The following IL7 variants were observed in gnomAD, a reference collection of about 807,000 sequenced individuals.
The protein encoded by IL7 is interleukin 7.
A neutral mutation model predicts 21.6 loss-of-function variants in IL7; 3 were observed. The ratio of observed to expected loss-of-function variants is 0.14; its 90% CI spans 0.06 to 0.36. IL7 has a LOEUF of 0.36. IL7 is among the 10% of genes least tolerant of loss of function. IL7 has a pLI of 1.00. For missense variants in IL7, 175 were observed against 200.2 expected (o/e 0.87, Z 0.76); for synonymous variants, 62 against 68.1 (o/e 0.91, Z 0.44).
At chr8:78,684,435 G>A (rs1311360125) in intron 4 of IL7, among the ~76,000 whole-genome samples, 1 of 152,176 alleles carries the variant, frequency 6.6e-6, no homozygotes, top group East Asian at 1.9e-4. Flanking sequence ...GACGGCATGG[G>A]AGAAACCTGC....
chr8:78,737,307 A>C (rs1811627735), intron 4 of IL7, among the ~76,000 whole-genome samples: 1 of 152,166 alleles, frequency 6.6e-6, no homozygotes, highest in South Asian at 2.1e-4. Context: ...CAACTAATTA[A>C]TTGGATGTGC....
chr8:78,724,257 C>T (rs1352011792), intron 3 of IL7: 1 of 151,998 alleles, frequency 6.6e-6, no homozygotes, highest in African/African-American at 2.4e-5. Flanking sequence ...CAAAGGTTTA[C>T]TCCATAGAGC....
chr8:78,702,235 T>C (rs1006097457), intron 3 of IL7, among the ~76,000 whole-genome samples: 1 of 152,186 alleles, frequency 6.6e-6, no homozygotes, highest in Non-Finnish European at 1.5e-5. Context: ...CCATTTCTTC[T>C]AGATTTTCTA....
chr8:78,747,186 TGC>T (rs1812007879), intron 2 of IL7: 7 of 361,348 alleles, frequency 1.9e-5, no homozygotes, highest in African/African-American at 4.7e-5. Flanking sequence ...TATACTTCAT[TGC>T]TTTTTTTTTT....
intron 1 of IL7, among the ~76,000 whole-genome samples, chr8:78,798,784 G>A (rs1325207065): frequency 6.6e-6 from 1 of 151,940 alleles, no homozygotes; most frequent in Non-Finnish European, 1.5e-5. Context: ...CAAAGTTTAT[G>A]TTTGTATTTT....
intron 2 of IL7, among the ~76,000 whole-genome samples, chr8:78,748,386 A>T (rs575345243): frequency 1.3e-5 from 2 of 152,350 alleles, no homozygotes; most frequent in Admixed American, 6.5e-5. Flanking sequence ...AAATACATGA[A>T]TAGATTTGAG....
chr8:78,727,627 C>T (rs1047971785), intron 3 of IL7, among the ~76,000 whole-genome samples: 2 of 151,968 alleles, frequency 1.3e-5, no homozygotes, highest in African/African-American at 4.8e-5. Flanking sequence ...AGTAAAGTGA[C>T]AAACTCCTGA....
intron 1 of IL7, 146 bp from the exon 2 acceptor site, chr8:78,798,354 T>C (rs1170628349): frequency 1.7e-6 from 1 of 583,632 alleles, no homozygotes; most frequent in Non-Finnish European, 2.9e-6. Context: ...CCTCAAAAGT[T>C]GAACTTATGT....
intron 3 of IL7, among the ~76,000 whole-genome samples, chr8:78,708,143 G>A (rs1810837006): frequency 6.6e-6 from 1 of 152,162 alleles, no homozygotes; most frequent in African/African-American, 2.4e-5. Flanking sequence ...ATTCAGGATT[G>A]AGTAAAGGTT....
At chr8:78,675,815 A>G in exon 5 of IL7, 1 of 1,609,976 alleles carries the variant, frequency 6.2e-7, no homozygotes, top group African/African-American at 1.3e-5. Flanking sequence ...AAGTTGGAGA[A>G]TTGTTACCTT....
exon 5 of IL7, chr8:78,676,051 G>A: frequency 2.4e-6 from 1 of 417,814 alleles, no homozygotes; most frequent in Non-Finnish European, 4.2e-6. Context: ...TTCAGAGTTT[G>A]GTCTTCAGAA....
At chr8:78,736,416 G>A (rs1811597661) in intron 5 of IL7, 58 bp downstream of exon 5, 1 of 991,590 alleles carries the variant, frequency 1.0e-6, no homozygotes, top group Admixed American at 2.2e-5. Flanking sequence ...GAAAAATTAG[G>A]AATTAAGTTG....
chr8:78,736,945 T>G (rs1811613689), intron 4 of IL7, among the ~76,000 whole-genome samples: 1 of 152,082 alleles, frequency 6.6e-6, no homozygotes, highest in Non-Finnish European at 1.5e-5. Context: ...AAAACAATAG[T>G]AAAAAGCTTG....
rs769179074 is a variant in IL7 at position 78,739,990 on chromosome 8, A to C, written c.228+12T>G. On this transcript the variant is annotated intron_variant, in intron 3 of 5. Coordinates refer to ENST00000263851, the MANE Select transcript of IL7 (RefSeq NM_000880.4). ...CAAGCTTGAATGACAAACTCCAAAT[A>C]ATTATCATTACCTTATTAGCATCAC... 25 of 1,511,168 alleles carry C rather than the reference A, an allele frequency of 1.7e-5. No homozygotes were observed. The highest frequency in any genetic ancestry group is 2.9e-5 in the African/African-American group (2 of 68,950). The allele number at this position is 1,511,168 out of a possible 1,614,324, so 93.6% of individuals were successfully genotyped here.
intron 3 of IL7, among the ~76,000 whole-genome samples, chr8:78,699,928 A>T (rs1306980370): frequency 6.6e-6 from 1 of 152,062 alleles, no homozygotes; most frequent in Non-Finnish European, 1.5e-5. Flanking sequence ...TGCAGTGAAC[A>T]TATGTGTGTG....
intron 2 of IL7, among the ~76,000 whole-genome samples, chr8:78,770,585 CACTT>C (rs1812915456): frequency 6.6e-6 from 1 of 152,008 alleles, no homozygotes; most frequent in Non-Finnish European, 1.5e-5. Flanking sequence ...TCTTCAGAAA[CACTT>C]ATTATTTATA....
chr8:78,712,608 A>C (rs945598966), intron 3 of IL7, among the ~76,000 whole-genome samples: 2 of 152,158 alleles, frequency 1.3e-5, no homozygotes, highest in African/African-American at 4.8e-5. Context: ...TTCTGCCTAC[A>C]ACCGGGAAAA....
At chr8:78,683,150 A>G (rs1809844350) in intron 4 of IL7, among the ~76,000 whole-genome samples, 1 of 152,044 alleles carries the variant, frequency 6.6e-6, no homozygotes, top group Non-Finnish European at 1.5e-5. Flanking sequence ...ACACAATGCA[A>G]CCTGTCGGTG....
chr8:78,694,759 A>G (rs76769079), intron 3 of IL7, among the ~76,000 whole-genome samples: 5,626 of 152,278 alleles, frequency 0.037, 316 homozygotes, highest in African/African-American at 0.13. Context: ...TAGTCTTTGT[A>G]TAAATATTTT....
Sources: gnomAD v4.1 joint callset for allele counts (sites outside exome capture counted in the v4.1 genomes callset) on GRCh38, gnomAD v4.1.1 for gene constraint, MANE v1.5 for transcripts, NCBI Gene and HGNC (gene_info 2026-07-23, HGNC 2026-07-21) for gene names.